Variants in ARFGEF3 observed in about 807,000 individuals in gnomAD.
The protein encoded by ARFGEF3 is ARFGEF family member 3.
ARFGEF3 carries 96 observed loss-of-function variants against 221.7 expected under a neutral mutation model. The observed-to-expected ratio is 0.43, with a 90% CI of 0.37 to 0.51. ARFGEF3 has a LOEUF of 0.51. Among genes scored for constraint, ARFGEF3 ranks in the 20% least tolerant of loss-of-function variants. ARFGEF3 has a pLI of 0.00. For missense variants in ARFGEF3, 2,410 were observed against 2,789.9 expected (o/e 0.86, Z 3.07); for synonymous variants, 1,145 against 1,126.8 (o/e 1.02, Z -0.32).
intron 10 of ARFGEF3, among the ~76,000 whole-genome samples, chr6:138,259,206 CAAAG>C (rs896243710): frequency 3.9e-5 from 6 of 152,198 alleles, no homozygotes; most frequent in African/African-American, 1.2e-4. Context: ...CTTGTGCACA[CAAAG>C]AAAACCACTG....
chr6:138,274,621 C>T (rs1779062602), intron 12 of ARFGEF3, among the ~76,000 whole-genome samples: 1 of 151,724 alleles, frequency 6.6e-6, no homozygotes, highest in Non-Finnish European at 1.5e-5. Flanking sequence ...CATGGAGAAA[C>T]CCCATCTCTA....
intron 2 of ARFGEF3, among the ~76,000 whole-genome samples, chr6:138,182,152 G>A (rs1218322980): frequency 6.6e-6 from 1 of 152,202 alleles, no homozygotes; most frequent in Non-Finnish European, 1.5e-5. Context: ...GGGCTATGTA[G>A]CTGGCCAAGC....
In ARFGEF3 at chr6:138,337,745, GA is replaced by G. The variant is rs1780356184; in HGVS notation, c.*1263del. 6.6e-6 allele frequency: 1 copy of G among 152,106 alleles called. No individual in the cohort carries two copies. The highest frequency in any genetic ancestry group is 1.5e-5 in the Non-Finnish European group (1 of 68,008). 9.4% of individuals were successfully genotyped at this position (152,106 alleles called of 1,614,324 possible). A position where few individuals can be genotyped will look rare whatever the true frequency, so the allele number is the denominator to read the frequency against. On this transcript the variant is annotated 3_prime_UTR_variant, in exon 34 of 34. Transcript: ENST00000251691. ...AGGTGGATATTTCTAAGTATTACTA[GA>G]AAATACGTTTGAAAGCTTTATCTTA...
intron 27 of ARFGEF3, 71 bp downstream of exon 27, chr6:138,317,450 C>T (rs1779946572): frequency 6.4e-7 from 1 of 1,569,162 alleles, no homozygotes; most frequent in Admixed American, 1.8e-5. Context: ...GGTATTTCTG[C>T]AGGTGTCTGC....
chr6:138,241,766 A>C (rs2114553228), intron 6 of ARFGEF3, among the ~76,000 whole-genome samples: 1 of 152,364 alleles, frequency 6.6e-6, no homozygotes, highest in East Asian at 1.9e-4. Context: ...GTGTATCTTC[A>C]ACCTAATAAA....
chr6:138,320,008 A>G, intron 28 of ARFGEF3, 129 bp downstream of exon 28: 2 of 768,666 alleles, frequency 2.6e-6, no homozygotes, highest in South Asian at 3.5e-5. Flanking sequence ...TTATTAAAAT[A>G]GAACAACATG....
intron 22 of ARFGEF3, 30 bp from the exon 23 acceptor site, chr6:138,307,223 T>G: frequency 6.2e-7 from 1 of 1,609,424 alleles, no homozygotes; most frequent in Non-Finnish European, 8.5e-7. Context: ...AGGAGAGGGC[T>G]TTAAGTGCCA....
chr6:138,317,500 C>G, intron 27 of ARFGEF3, 121 bp downstream of exon 27: 1 of 1,165,732 alleles, frequency 8.6e-7, no homozygotes, highest in Non-Finnish European at 1.2e-6. Context: ...AAAGCTCACA[C>G]GTAAGAGGTG....
chr6:138,320,918 G>C (rs1780011999), intron 28 of ARFGEF3, among the ~76,000 whole-genome samples, 193 bp from the exon 29 acceptor site: 1 of 131,902 alleles, frequency 7.6e-6, no homozygotes. Flanking sequence ...AAAAATCCAA[G>C]AAAATTATTG....
At position 138,261,508 on chromosome 6, in the gene ARFGEF3, T is replaced by G. The variant is rs1371107099; in HGVS notation, c.1105-19T>G. The G allele has an allele frequency of 6.8e-7, 1 of 1,476,984 alleles. No homozygotes were observed. Among genetic ancestry groups the G allele is most frequent in the Non-Finnish European group, 9.1e-7 (1 of 1,093,890 alleles). 91.5% of individuals were successfully genotyped at this position (1,476,984 alleles called of 1,614,324 possible). On this transcript the variant is annotated intron_variant, in intron 10 of 33. Transcript: ENST00000251691. ...TGTGATATTCACTTTTCTGTTACTC[T>G]TTTACCTTTTTCTTTAAGATACTTG...
At chr6:138,180,888 T>C (rs1438110098) in intron 2 of ARFGEF3, among the ~76,000 whole-genome samples, 1 of 152,254 alleles carries the variant, frequency 6.6e-6, no homozygotes, top group Non-Finnish European at 1.5e-5. Context: ...TGGAGGTTGC[T>C]GAAATCTGTG....
chr6:138,324,238 C>G, intron 31 of ARFGEF3, 84 bp downstream of exon 31: 1 of 1,493,560 alleles, frequency 6.7e-7, no homozygotes, highest in Non-Finnish European at 9.1e-7. Flanking sequence ...CTCGCATCAC[C>G]AAATTGCCTT....
At chr6:138,297,764 T>C (rs1779547589) in intron 21 of ARFGEF3, among the ~76,000 whole-genome samples, 1 of 152,196 alleles carries the variant, frequency 6.6e-6, no homozygotes, top group Non-Finnish European at 1.5e-5. Flanking sequence ...ATTTAGCTCA[T>C]GATTCCATGA....
At position 138,338,410 on chromosome 6, in the gene ARFGEF3, G is replaced by T. The variant is rs1472756498; in HGVS notation, c.*1924G>T. On this transcript the variant is annotated 3_prime_UTR_variant, in exon 34 of 34. Transcript: ENST00000251691. ...GTGAGTACTCCACAGTTTACTGGGG[G>T]AAAAGGCTTCAGTAAAGCAGAGGCT... is the stretch of plus-strand genomic sequence containing the variant. The T allele has an allele frequency of 6.6e-6, 1 of 152,128 alleles. No homozygotes were observed. Among genetic ancestry groups the T allele is most frequent in the East Asian group, 1.9e-4 (1 of 5,198 alleles). The allele number at this position is 152,128 out of a possible 1,614,324, so 9.4% of individuals were successfully genotyped here.
intron 3 of ARFGEF3, among the ~76,000 whole-genome samples, chr6:138,207,863 C>A (rs976442430): frequency 2.6e-5 from 4 of 152,068 alleles, no homozygotes; most frequent in African/African-American, 4.8e-5. Flanking sequence ...TCATAGTTAG[C>A]TTTTTGAGTT....
rs979589786 is a variant in ARFGEF3, at chr6:138,341,819, G to C, written c.*5333G>C. On this transcript the variant is annotated 3_prime_UTR_variant, in exon 34 of 34. Coordinates refer to ENST00000251691, the MANE Select transcript of ARFGEF3 (RefSeq NM_020340.5). Reference sequence around the variant, plus strand: ...CACAATTCTTATTTCAGGGAAGACAGACCAAAAATATCTCCTGAGATCATT... The same window carrying C: ...CACAATTCTTATTTCAGGGAAGACACACCAAAAATATCTCCTGAGATCATT... The C allele has an allele frequency of 6.6e-6, 1 of 152,168 alleles. No homozygotes were observed. The highest frequency in any genetic ancestry group is 2.4e-5 in the African/African-American group (1 of 41,442). The allele number at this position is 152,168 out of a possible 1,614,324, so 9.4% of individuals were successfully genotyped here.
intron 32 of ARFGEF3, among the ~76,000 whole-genome samples, chr6:138,331,096 T>C (rs891801574): frequency 6.6e-6 from 1 of 152,214 alleles, no homozygotes; most frequent in Admixed American, 6.5e-5. Context: ...GAAAAAGGAA[T>C]AATAGGCTGC....
chr6:138,228,336 C>T (rs2114530524), intron 4 of ARFGEF3, among the ~76,000 whole-genome samples: 1 of 149,782 alleles, frequency 6.7e-6, no homozygotes, highest in South Asian at 2.1e-4. Flanking sequence ...ACCACCACAC[C>T]TGGATAATTT....
intron 10 of ARFGEF3, among the ~76,000 whole-genome samples, chr6:138,260,848 T>A (rs1562370928): frequency 6.6e-6 from 1 of 152,056 alleles, no homozygotes; most frequent in Admixed American, 6.5e-5. Flanking sequence ...TTACACACAT[T>A]AAAGAAATAA....
Sources: allele counts gnomAD v4.1 joint callset (sites outside exome capture counted in the v4.1 genomes callset), GRCh38; gene constraint gnomAD v4.1.1; transcripts MANE v1.5; gene names NCBI Gene and HGNC (gene_info 2026-07-23, HGNC 2026-07-21).